DENND1A: variants seen among roughly 807,000 people sequenced by gnomAD.
DENND1A encodes DENN domain-containing protein 1A.
Under a neutral mutation model 113.7 loss-of-function variants are expected in DENND1A, and 51 were observed. That is an observed-to-expected ratio of 0.45 (90% CI 0.36 to 0.57). DENND1A has a LOEUF of 0.57. Among genes scored for constraint, DENND1A ranks in the 20% least tolerant of loss-of-function variants. The pLI is 0.00. For missense variants in DENND1A, 1,258 were observed against 1,395.9 expected, an observed-to-expected ratio of 0.90 and a Z score of 1.57; for synonymous variants, 565 against 570.8, an observed-to-expected ratio of 0.99 and a Z score of 0.14.
Position 123,380,882 on chromosome 9 carries a change from G to GAAAC in DENND1A, c.*546_*549dup, listed in dbSNP as rs1349784787. On this transcript the variant is annotated 3_prime_UTR_variant, in exon 24 of 24. Transcript: ENST00000394215. ...GAAAGAACGTGTGTGTATATTGCTA[G>GAAAC]AAACAGTCTGGAAGTGCCCCACCAG... 1 of 158,154 alleles carries GAAAC rather than the reference G, an allele frequency of 6.3e-6. No homozygotes were observed. The highest frequency in any genetic ancestry group is 1.4e-5 in the Non-Finnish European group (1 of 71,632). 9.8% of individuals were successfully genotyped at this position (158,154 alleles called of 1,614,324 possible).
At chr9:123,540,249 C>CTGTG (rs1250449006) in intron 13 of DENND1A, among the ~76,000 whole-genome samples, 1 of 152,156 alleles carries the variant, frequency 6.6e-6, no homozygotes, top group Non-Finnish European at 1.5e-5. Context: ...ATCTTCACAC[C>CTGTG]AATCCTGTGA....
intron 1 of DENND1A, among the ~76,000 whole-genome samples, chr9:123,880,532 C>T (rs1848167851): frequency 1.3e-5 from 2 of 152,086 alleles, no homozygotes; most frequent in Admixed American, 1.3e-4. Flanking sequence ...GGTAAGAAAC[C>T]TTCTGAGTTG....
intron 1 of DENND1A, among the ~76,000 whole-genome samples, chr9:123,887,362 G>T (rs954876322): frequency 2.6e-5 from 4 of 152,050 alleles, no homozygotes; most frequent in Non-Finnish European, 4.4e-5. Flanking sequence ...GGGATGTCCT[G>T]GCATAAGATG....
intron 1 of DENND1A, among the ~76,000 whole-genome samples, chr9:123,883,635 T>C (rs536983166): frequency 7.2e-5 from 11 of 152,248 alleles, no homozygotes; most frequent in Non-Finnish European, 1.2e-4. Flanking sequence ...ATCATAAACA[T>C]AGGGGATACC....
intron 19 of DENND1A, among the ~76,000 whole-genome samples, chr9:123,438,418 T>C (rs73575513): frequency 0.21 from 32,454 of 152,126 alleles, 3,600 homozygotes; most frequent in Middle Eastern, 0.23. Context: ...ACTGTAGACC[T>C]TTCCAGAGAA....
At chr9:123,652,213 A>C in intron 8 of DENND1A, 90 bp from the exon 9 acceptor site, 2 of 1,071,886 alleles carry the variant, frequency 1.9e-6, no homozygotes, top group Non-Finnish European at 1.4e-6. Flanking sequence ...ACATAAAATA[A>C]TCAGAAAGTA....
chr9:123,733,901 C>T (rs935564343), intron 5 of DENND1A, among the ~76,000 whole-genome samples: 1 of 152,080 alleles, frequency 6.6e-6, no homozygotes, highest in Non-Finnish European at 1.5e-5. Context: ...GTCCTGACCT[C>T]GTAATCCACC....
At chr9:123,584,221 G>A (rs1488137690) in intron 11 of DENND1A, among the ~76,000 whole-genome samples, 1 of 152,162 alleles carries the variant, frequency 6.6e-6, no homozygotes, top group African/African-American at 2.4e-5. Context: ...CCTATCATTT[G>A]CTGTCTAAAC....
chr9:123,860,056 T>A (rs1054967142), intron 2 of DENND1A, among the ~76,000 whole-genome samples: 3 of 152,132 alleles, frequency 2.0e-5, no homozygotes, highest in Non-Finnish European at 4.4e-5. Flanking sequence ...AAAGGCCAGT[T>A]AGGAGGCCAT....
intron 1 of DENND1A, among the ~76,000 whole-genome samples, chr9:123,888,667 T>C (rs1035580491): frequency 6.6e-6 from 1 of 152,170 alleles, no homozygotes; most frequent in African/African-American, 2.4e-5. Context: ...TTCAAAAGTG[T>C]CAACGTCATG....
In DENND1A at chr9:123,920,780, C is replaced by T. The variant is rs190947080; in HGVS notation, c.17+9109G>A. On this transcript the variant is annotated intron_variant, in intron 1 of 23. Transcript: ENST00000394215. Reference sequence around the variant, plus strand: ...TAGAGATGGGGTTTTGCCATGTTGGCCCAACTGATCTCGAACTCCTGACTT... The same window carrying T: ...TAGAGATGGGGTTTTGCCATGTTGGTCCAACTGATCTCGAACTCCTGACTT... Among the ~76,000 whole-genome samples, 1,346 of 151,660 alleles carry T rather than the reference C, an allele frequency of 8.9e-3. 25 individuals carry two copies. Among genetic ancestry groups the T allele is most frequent in the Non-Finnish European group, 9.5e-3 (643 of 67,942 alleles).
At chr9:123,413,806 T>C in intron 19 of DENND1A, 1 of 985,234 alleles carries the variant, frequency 1.0e-6, no homozygotes, top group South Asian at 4.7e-5. Context: ...TTACAGGAAG[T>C]GTGTGGGGGA....
In DENND1A at chr9:123,392,542, G is replaced by A. The variant is rs183725648; in HGVS notation, c.1632-4684C>T. 3.2e-3 allele frequency among the ~76,000 whole-genome samples: 491 copies of A among 152,264 alleles called. 5 individuals carry two copies. Among genetic ancestry groups the A allele is most frequent in the African/African-American group, 9.5e-3 (393 of 41,538 alleles). On this transcript the variant is annotated intron_variant, in intron 21 of 23. Coordinates refer to ENST00000394215, the MANE Select transcript of DENND1A (RefSeq NM_001352964.2). ...CTGACGAGCAGGGACAGCCCCCAGG[G>A]TGAGGCTAGGTCCTGCCTGTCCGGT...
At chr9:123,693,372 C>T (rs1028822602) in intron 5 of DENND1A, among the ~76,000 whole-genome samples, 2 of 152,192 alleles carry the variant, frequency 1.3e-5, no homozygotes, top group Non-Finnish European at 2.9e-5. Context: ...ATGCCCACAT[C>T]GGTGTAACAA....
chr9:123,553,751 T>C (rs909231175), intron 13 of DENND1A, among the ~76,000 whole-genome samples: 1 of 152,118 alleles, frequency 6.6e-6, no homozygotes. Flanking sequence ...TCATTTCTAG[T>C]CCTGTTACTT....
intron 3 of DENND1A, among the ~76,000 whole-genome samples, chr9:123,785,810 A>C (rs989747004): frequency 6.6e-6 from 1 of 152,232 alleles, no homozygotes; most frequent in Non-Finnish European, 1.5e-5. Flanking sequence ...AGATGAAAAA[A>C]TTACATTTCC....
intron 2 of DENND1A, among the ~76,000 whole-genome samples, chr9:123,814,240 G>A (rs1258267828): frequency 1.3e-5 from 2 of 152,082 alleles, no homozygotes; most frequent in African/African-American, 4.8e-5. Context: ...AATTCATTGT[G>A]ATCAATTCTA....
At chr9:123,885,001 A>G (rs34246920) in intron 1 of DENND1A, among the ~76,000 whole-genome samples, 456 of 81,990 alleles carry the variant, frequency 5.6e-3, no homozygotes, top group African/African-American at 0.014. Flanking sequence ...GCGCGCGCAC[A>G]CACACACACA....
chr9:123,519,312 C>T (rs568546015), intron 13 of DENND1A, among the ~76,000 whole-genome samples: 4 of 152,232 alleles, frequency 2.6e-5, no homozygotes, highest in Non-Finnish European at 5.9e-5. Flanking sequence ...TGGCTGCCCA[C>T]CCAGCCCTCA....
Sources: gnomAD v4.1 joint callset for allele counts (sites outside exome capture counted in the v4.1 genomes callset) on GRCh38, gnomAD v4.1.1 for gene constraint, MANE v1.5 for transcripts, NCBI Gene and HGNC (gene_info 2026-07-23, HGNC 2026-07-21) for gene names.